IGFL2: variants seen among roughly 807,000 people sequenced by gnomAD.
IGFL2 encodes insulin growth factor-like family member 2.
Under a neutral mutation model 13.9 loss-of-function variants are expected in IGFL2, and 7 were observed. The observed-to-expected ratio is 0.51, with a 90% CI of 0.29 to 0.95. The LOEUF (loss-of-function observed/expected upper bound fraction) is 0.95. Ranked by LOEUF, IGFL2 falls within the 40% of genes least tolerant of loss-of-function variation. The pLI is 0.08. For missense variants in IGFL2, 138 were observed against 147.8 expected (o/e 0.93, Z 0.34); for synonymous variants, 55 against 55.8 (o/e 0.99, Z 0.07).
the IGFL2 span, chr19:46,120,273 C>T: frequency 6.2e-7 from 1 of 1,607,854 alleles, no homozygotes; most frequent in South Asian, 1.1e-5. Context: ...TCTCCGATGT[C>T]CAGCTGCTTC....
At chr19:46,105,548 G>C in the IGFL2 span, among the ~76,000 whole-genome samples, 4 of 152,172 alleles carry the variant, frequency 2.6e-5, no homozygotes, top group African/African-American at 9.7e-5. Context: ...TGGGGTATCA[G>C]GAATAATGTG....
chr19:46,179,592 G>T, the IGFL2 span: 2 of 152,444 alleles, frequency 1.3e-5, no homozygotes, highest in African/African-American at 4.8e-5. Flanking sequence ...CATTTATGAG[G>T]ATGGGTGGAT....
chr19:46,194,166 G>C, the IGFL2 span, among the ~76,000 whole-genome samples: 1 of 152,210 alleles, frequency 6.6e-6, no homozygotes, highest in South Asian at 2.1e-4. Context: ...CCCCCACTGG[G>C]GGTCCCTGGA....
chr19:46,173,632 G>A, the IGFL2 span: 5 of 152,314 alleles, frequency 3.3e-5, no homozygotes, highest in Admixed American at 2.6e-4. Flanking sequence ...AACAGGGTGA[G>A]AACTCACTTA....
the IGFL2 span, chr19:46,123,887 T>C: frequency 1.9e-5 from 30 of 1,608,758 alleles, 1 homozygote; most frequent in Non-Finnish European, 1.9e-5. Flanking sequence ...GACCTTTACC[T>C]GGTACAGCTC....
chr19:46,137,365 C>G, the IGFL2 span: 1 of 1,125,458 alleles, frequency 8.9e-7, no homozygotes, highest in Non-Finnish European at 1.4e-6. Context: ...AGTTACAGAC[C>G]TGTAGTGTAG....
At chr19:46,175,412 C>A in the IGFL2 span, among the ~76,000 whole-genome samples, 1 of 152,158 alleles carries the variant, frequency 6.6e-6, no homozygotes, top group East Asian at 1.9e-4. Context: ...CTCTACAATG[C>A]CTCCATGCAG....
At chr19:46,144,030 G>A (rs1972988810), upstream of IGFL2, among the ~76,000 whole-genome samples, 1 of 152,186 alleles carries the variant, frequency 6.6e-6, no homozygotes, top group Non-Finnish European at 1.5e-5. Flanking sequence ...CATCACAGAG[G>A]CCTTCCCTGA....
chr19:46,098,478 CTTT>C, the IGFL2 span, among the ~76,000 whole-genome samples: 1,927 of 128,302 alleles, frequency 0.015, 25 homozygotes, highest in Non-Finnish European at 0.026. Flanking sequence ...CAATCTGTGT[CTTT>C]TTTTTTTTTT....
At chr19:46,103,353 G>T in the IGFL2 span, among the ~76,000 whole-genome samples, 2 of 152,188 alleles carry the variant, frequency 1.3e-5, no homozygotes, top group Non-Finnish European at 2.9e-5. Context: ...TTTAGAAACG[G>T]CTAGGAGAGA....
chr19:46,168,966 C>G, the IGFL2 span, among the ~76,000 whole-genome samples: 2 of 150,900 alleles, frequency 1.3e-5, no homozygotes, highest in African/African-American at 4.9e-5. Flanking sequence ...TTTTTCTCCA[C>G]TAAGATTATT....
chr19:46,166,561 G>A, the IGFL2 span, among the ~76,000 whole-genome samples: 124 of 152,232 alleles, frequency 8.1e-4, 2 homozygotes, highest in Middle Eastern at 0.017. Context: ...GAGATCAACC[G>A]GTCTGACCAA....
the IGFL2 span, chr19:46,124,776 C>T: frequency 2.6e-6 from 2 of 781,802 alleles, no homozygotes; most frequent in African/African-American, 3.5e-5. Context: ...GATCATGCCA[C>T]CTGCAGTCTC....
At chr19:46,181,603 C>T in the IGFL2 span, among the ~76,000 whole-genome samples, 6 of 152,206 alleles carry the variant, frequency 3.9e-5, no homozygotes, top group Non-Finnish European at 7.3e-5. Flanking sequence ...TCCTGACACT[C>T]CCTCCCAGGA....
At chr19:46,127,387 T>A in the IGFL2 span, among the ~76,000 whole-genome samples, 1,325 of 152,018 alleles carry the variant, frequency 8.7e-3, 16 homozygotes, top group African/African-American at 0.03. Context: ...AGAAAGAGAA[T>A]AAGAAAGAAA....
chr19:46,178,406 T>C, the IGFL2 span, among the ~76,000 whole-genome samples: 2 of 152,142 alleles, frequency 1.3e-5, no homozygotes, highest in Non-Finnish European at 2.9e-5. Flanking sequence ...AATCAAAATA[T>C]TTTGCCCCAA....
At chr19:46,204,321 T>TA in the IGFL2 span, 1 of 151,668 alleles carries the variant, frequency 6.6e-6, no homozygotes, top group African/African-American at 2.4e-5. Flanking sequence ...GGCCTGGGAC[T>TA]GGGGGGGGTT....
At chr19:46,141,482 A>G (rs57466588), upstream of IGFL2, among the ~76,000 whole-genome samples, 2 of 152,104 alleles carry the variant, frequency 1.3e-5, no homozygotes, top group African/African-American at 4.8e-5. Context: ...CACCATGTCT[A>G]GGATGGAACC....
chr19:46,182,365 TAAAAA>T, the IGFL2 span, among the ~76,000 whole-genome samples: 3 of 78,684 alleles, frequency 3.8e-5, no homozygotes, highest in African/African-American at 1.4e-4. Flanking sequence ...AGACTTTGCC[TAAAAA>T]AAAAAAAAAA....
Sources: gnomAD v4.1 joint callset for allele counts (sites outside exome capture counted in the v4.1 genomes callset) on GRCh38, gnomAD v4.1.1 for gene constraint, MANE v1.5 for transcripts, NCBI Gene and HGNC (gene_info 2026-07-23, HGNC 2026-07-21) for gene names.